The following SLC5A8 variants were observed in gnomAD, a reference collection of about 807,000 sequenced individuals.
SLC5A8 encodes the protein solute carrier family 5 member 8, also known as sodium-coupled monocarboxylate transporter 1.
A neutral mutation model predicts 71.9 loss-of-function variants in SLC5A8; 55 were observed. The ratio of observed to expected loss-of-function variants is 0.77; its 90% CI spans 0.62 to 0.96. The LOEUF (loss-of-function observed/expected upper bound fraction) is 0.96. Ranked by LOEUF, SLC5A8 falls within the 40% of genes least tolerant of loss-of-function variation. The pLI is 0.00. For synonymous variants in SLC5A8, 307 were observed against 276.1 expected, an observed-to-expected ratio of 1.11 and a Z score of -1.11; for missense variants, 701 against 745.3, an observed-to-expected ratio of 0.94 and a Z score of 0.69.
At position 101,158,241 on chromosome 12, in the gene SLC5A8, C is replaced by T. The variant is rs1406758413; in HGVS notation, c.1710+8G>A. 6.4e-7 allele frequency: 1 copy of T among 1,563,204 alleles called. No individual in the cohort carries two copies. Among genetic ancestry groups the T allele is most frequent in the East Asian group, 2.3e-5 (1 of 44,054 alleles). On this transcript the variant is annotated splice_region_variant and intron_variant, in intron 14 of 14. Coordinates refer to ENST00000536262, the MANE Select transcript of SLC5A8 (RefSeq NM_145913.5). ...TTCCTAACTCAAGGTAAATGAAAGCCAACTCACTTTCTTAAAAATATCAAA... is the reference window on the plus strand; with the variant it reads ...TTCCTAACTCAAGGTAAATGAAAGCTAACTCACTTTCTTAAAAATATCAAA...
intron 10 of SLC5A8, among the ~76,000 whole-genome samples, chr12:101,175,635 G>T (rs1052002810): frequency 6.6e-6 from 1 of 151,900 alleles, no homozygotes; most frequent in African/African-American, 2.4e-5. Flanking sequence ...AAAAAAACCT[G>T]AGAGCATTCA....
intron 10 of SLC5A8, among the ~76,000 whole-genome samples, chr12:101,174,333 G>T: frequency 6.6e-6 from 1 of 152,048 alleles, no homozygotes; most frequent in East Asian, 1.9e-4. Context: ...ATGCTCAATC[G>T]GTTTATTCTG....
At chr12:101,195,021 T>C in intron 4 of SLC5A8, 74 bp downstream of exon 4, 1 of 1,440,650 alleles carries the variant, frequency 6.9e-7, no homozygotes, top group South Asian at 1.2e-5. Context: ...AAGATTGCGG[T>C]ATACAACAAC....
intron 3 of SLC5A8, among the ~76,000 whole-genome samples, chr12:101,197,265 C>A (rs1435127224): frequency 6.6e-6 from 1 of 152,164 alleles, no homozygotes; most frequent in East Asian, 1.9e-4. Flanking sequence ...AGTATTCCAT[C>A]TAACTAATGA....
At chr12:101,203,636 C>T (rs563425486) in intron 2 of SLC5A8, among the ~76,000 whole-genome samples, 28 of 152,298 alleles carry the variant, frequency 1.8e-4, no homozygotes, top group African/African-American at 5.5e-4. Flanking sequence ...CATGAGCCAC[C>T]GCGGCTGGCC....
intron 3 of SLC5A8, among the ~76,000 whole-genome samples, chr12:101,200,882 G>GT (rs931474869): frequency 7.2e-5 from 11 of 152,132 alleles, no homozygotes; most frequent in African/African-American, 2.7e-4. Context: ...CCTAGAGAAT[G>GT]TTAATTTTCA....
At chr12:101,166,414 G>T (rs2137125458) in intron 12 of SLC5A8, 80 bp downstream of exon 12, 1 of 1,227,654 alleles carries the variant, frequency 8.1e-7, no homozygotes, top group Non-Finnish European at 1.1e-6. Flanking sequence ...AGTGTTGTAA[G>T]CAAGACAAAA....
rs573164588 is a variant in SLC5A8, at chr12:101,167,014, G to A, written c.1321-315C>T. On this transcript the variant is annotated intron_variant, in intron 11 of 14. Coordinates refer to ENST00000536262, the MANE Select transcript of SLC5A8 (RefSeq NM_145913.5). ...AAAAAAAAAAAAGATACTGTTTATG[G>A]CAGGAAGAATAGTATGTTATTCTTC... 1.3e-3 allele frequency among the ~76,000 whole-genome samples: 198 copies of A among 152,230 alleles called. 1 individual carries two copies. The highest frequency in any genetic ancestry group is 4.5e-3 in the African/African-American group (186 of 41,544).
chr12:101,162,605 C>G (rs1366484859), intron 12 of SLC5A8, among the ~76,000 whole-genome samples: 1 of 152,134 alleles, frequency 6.6e-6, no homozygotes, highest in African/African-American at 2.4e-5. Context: ...AACATGGATG[C>G]AGCTGGAGGC....
intron 10 of SLC5A8, among the ~76,000 whole-genome samples, chr12:101,174,741 C>T (rs1313616045): frequency 6.6e-6 from 1 of 152,150 alleles, no homozygotes; most frequent in Non-Finnish European, 1.5e-5. Flanking sequence ...GTATTCTACA[C>T]ACCCCTATCC....
chr12:101,178,959 A>T (rs553004652), intron 10 of SLC5A8, among the ~76,000 whole-genome samples: 21 of 152,248 alleles, frequency 1.4e-4, no homozygotes, highest in Non-Finnish European at 2.6e-4. Context: ...ACTCACCAGT[A>T]AAAAAAGCAA....
intron 2 of SLC5A8, among the ~76,000 whole-genome samples, chr12:101,202,979 A>T (rs565819776): frequency 1.3e-5 from 2 of 152,332 alleles, no homozygotes; most frequent in African/African-American, 4.8e-5. Flanking sequence ...TAGAGCTATG[A>T]AGTCCTTCAA....
intron 10 of SLC5A8, among the ~76,000 whole-genome samples, chr12:101,170,154 A>G (rs2051815170): frequency 6.6e-6 from 1 of 152,212 alleles, no homozygotes; most frequent in South Asian, 2.1e-4. Context: ...GGAAGAAGAC[A>G]CTGTTGTAAA....
intron 8 of SLC5A8, among the ~76,000 whole-genome samples, chr12:101,183,328 A>G (rs1868456684): frequency 6.6e-6 from 1 of 152,178 alleles, no homozygotes; most frequent in Non-Finnish European, 1.5e-5. Flanking sequence ...TACAGGCGTG[A>G]GCCACTACAC....
intron 1 of SLC5A8, among the ~76,000 whole-genome samples, chr12:101,208,507 C>T (rs377721683): frequency 2.6e-4 from 40 of 152,138 alleles, no homozygotes; most frequent in African/African-American, 6.8e-4. Context: ...AACTGGGCCC[C>T]GCCACTCCCC....
intron 10 of SLC5A8, 75 bp from the exon 11 acceptor site, chr12:101,168,257 G>T: frequency 7.3e-7 from 1 of 1,361,714 alleles, no homozygotes; most frequent in Non-Finnish European, 1.0e-6. Context: ...ATTTCATCAG[G>T]ATAATGACTT....
chr12:101,194,059 G>A (rs1335365749), intron 4 of SLC5A8, among the ~76,000 whole-genome samples: 1 of 152,200 alleles, frequency 6.6e-6, no homozygotes, highest in Non-Finnish European at 1.5e-5. Context: ...GCTGAATGGG[G>A]CCAGATACAT....
In SLC5A8 at chr12:101,157,253, T is replaced by C; in HGVS notation, c.*26A>G. ...AAACATATAAAATTGAAACATCATT[T>C]AAGGATATCTAGTATCAGAGCAGCT... is the stretch of plus-strand genomic sequence containing the variant. On this transcript the variant is annotated 3_prime_UTR_variant, in exon 15 of 15. Transcript: ENST00000536262. The C allele has an allele frequency of 1.2e-6, 2 of 1,600,724 alleles. No homozygotes were observed. The highest frequency in any genetic ancestry group is 1.7e-4 in the Middle Eastern group (1 of 5,974).
At chr12:101,160,634 G>A (rs145185240) in intron 13 of SLC5A8, among the ~76,000 whole-genome samples, 65 of 152,192 alleles carry the variant, frequency 4.3e-4, no homozygotes, top group Middle Eastern at 3.4e-3. Context: ...GCACTACCCC[G>A]GCCCCAGCAC....
Sources: gnomAD v4.1 joint callset for allele counts (sites outside exome capture counted in the v4.1 genomes callset) on GRCh38, gnomAD v4.1.1 for gene constraint, MANE v1.5 for transcripts, NCBI Gene and HGNC (gene_info 2026-07-23, HGNC 2026-07-21) for gene names.